The following DLGAP1 variants were observed in gnomAD, a reference collection of about 807,000 sequenced individuals.
DLGAP1 encodes disks large-associated protein 1.
In DLGAP1, 11 loss-of-function variants were observed where a neutral mutation model predicts 90.8. The ratio of observed to expected loss-of-function variants is 0.12; its 90% CI spans 0.08 to 0.20. The LOEUF is 0.20. Among genes scored for constraint, DLGAP1 ranks in the 10% least tolerant of loss-of-function variants. The pLI, the probability that DLGAP1 is intolerant of heterozygous loss-of-function variation, is 1.00. For missense variants in DLGAP1, 1,050 were observed against 1,333.8 expected (o/e 0.79, Z 3.31); for synonymous variants, 558 against 540.7 (o/e 1.03, Z -0.44).
intron 5 of DLGAP1, among the ~76,000 whole-genome samples, chr18:3,782,227 C>G (rs1395301091): frequency 6.6e-6 from 1 of 151,826 alleles, no homozygotes; most frequent in African/African-American, 2.4e-5. Context: ...ACCTCCGCCT[C>G]CTGGGTTCAA....
intron 1 of DLGAP1, among the ~76,000 whole-genome samples, chr18:4,246,688 T>C (rs999554089): frequency 6.6e-6 from 1 of 152,146 alleles, no homozygotes; most frequent in Non-Finnish European, 1.5e-5. Flanking sequence ...TCGAGGGTAA[T>C]TGCTTAGAAC....
At chr18:3,580,820 C>G in intron 8 of DLGAP1, 2 of 1,514,574 alleles carry the variant, frequency 1.3e-6, no homozygotes, top group Admixed American at 1.8e-5. Flanking sequence ...ACCTGCCGTG[C>G]GGACCGTGGA....
intron 2 of DLGAP1, among the ~76,000 whole-genome samples, chr18:4,117,085 G>A (rs74554597): frequency 0.021 from 3,190 of 152,228 alleles, 86 homozygotes; most frequent in Middle Eastern, 0.061. Context: ...CCAAAAAGAG[G>A]AGATTAGATA....
intron 3 of DLGAP1, among the ~76,000 whole-genome samples, chr18:3,950,459 T>A (rs2072962718): frequency 6.6e-6 from 1 of 152,254 alleles, no homozygotes; most frequent in African/African-American, 2.4e-5. Flanking sequence ...ACTTCTTTGC[T>A]AGATTATTGG....
intron 1 of DLGAP1, among the ~76,000 whole-genome samples, chr18:4,404,627 G>T (rs994138192): frequency 6.6e-6 from 1 of 152,274 alleles, no homozygotes; most frequent in Admixed American, 6.5e-5. Context: ...AATTTGAATG[G>T]AGTCTGTATT....
intron 1 of DLGAP1, among the ~76,000 whole-genome samples, chr18:4,249,935 C>G (rs747545183): frequency 2.5e-4 from 38 of 152,200 alleles, no homozygotes; most frequent in Non-Finnish European, 2.4e-4. Context: ...AAACTCTTCT[C>G]TCTCTGTCCT....
intron 6 of DLGAP1, among the ~76,000 whole-genome samples, chr18:3,733,421 T>G (rs77043877): frequency 0.064 from 9,681 of 152,276 alleles, 995 homozygotes; most frequent in African/African-American, 0.21. Flanking sequence ...TGTGGTATAG[T>G]ATTCTCTCGA....
chr18:4,429,907 G>T (rs2083245953), intron 1 of DLGAP1, among the ~76,000 whole-genome samples: 1 of 151,974 alleles, frequency 6.6e-6, no homozygotes. Flanking sequence ...AGTATGCATA[G>T]ATCTTCAAAA....
At chr18:3,550,742 T>C (rs934464068) in intron 9 of DLGAP1, among the ~76,000 whole-genome samples, 3 of 142,368 alleles carry the variant, frequency 2.1e-5, no homozygotes, top group African/African-American at 7.9e-5. Context: ...CCCTTTTTTT[T>C]TTTTTTTTTT....
At chr18:3,959,669 A>AAAGAAAG (rs1555714889) in intron 3 of DLGAP1, among the ~76,000 whole-genome samples, 9,057 of 149,176 alleles carry the variant, frequency 0.061, 322 homozygotes, top group Non-Finnish European at 0.08. Context: ...GTCTCAAAAA[A>AAAGAAAG]AAAGAAAGAA....
chr18:4,206,504 GC>G (rs1379205942), intron 1 of DLGAP1, among the ~76,000 whole-genome samples: 1 of 152,102 alleles, frequency 6.6e-6, no homozygotes, highest in Non-Finnish European at 1.5e-5. Flanking sequence ...GGTCAGTGAT[GC>G]CCATGGGAGG....
At chr18:4,306,033 T>TACACACACACAC (rs3041181) in intron 1 of DLGAP1, among the ~76,000 whole-genome samples, 2,517 of 142,148 alleles carry the variant, frequency 0.018, 60 homozygotes, top group African/African-American at 0.048. Context: ...CACACACAAA[T>TACACACACACAC]ACACACACAC....
intron 3 of DLGAP1, among the ~76,000 whole-genome samples, chr18:3,967,312 A>G (rs2073351082): frequency 6.6e-6 from 1 of 152,262 alleles, no homozygotes; most frequent in African/African-American, 2.4e-5. Flanking sequence ...GAAATAGATT[A>G]TGAACTGATG....
chr18:3,950,659 G>T (rs2072967881), intron 3 of DLGAP1, among the ~76,000 whole-genome samples: 1 of 152,234 alleles, frequency 6.6e-6, no homozygotes, highest in African/African-American at 2.4e-5. Context: ...AGCTTCAGAA[G>T]TGGTGATGGC....
intron 7 of DLGAP1, among the ~76,000 whole-genome samples, chr18:3,599,526 T>A (rs2056780618): frequency 6.6e-6 from 1 of 152,216 alleles, no homozygotes; most frequent in Non-Finnish European, 1.5e-5. Flanking sequence ...CTGTGCTAAC[T>A]AAGCCCACCT....
intron 2 of DLGAP1, among the ~76,000 whole-genome samples, chr18:4,113,181 C>T (rs1437681898): frequency 6.6e-6 from 1 of 152,184 alleles, no homozygotes; most frequent in Non-Finnish European, 1.5e-5. Context: ...TGAGAAATCT[C>T]CAAACTGCTT....
intron 5 of DLGAP1, among the ~76,000 whole-genome samples, chr18:3,761,348 C>A (rs1362688314): frequency 1.3e-5 from 2 of 152,098 alleles, no homozygotes; most frequent in African/African-American, 4.8e-5. Flanking sequence ...AAAATTTGTC[C>A]TTTTGTGACT....
Position 4,088,111 on chromosome 18 carries a change from CTATTT to C in DLGAP1, c.-159+63064_-159+63068del, listed in dbSNP as rs1273305307. ...ATTTTTTTCCTATAGAAAACATTTCCTATTTTAATTTTAAATTAAATTAAATTTTA... is the reference window on the plus strand; with the variant it reads ...ATTTTTTTCCTATAGAAAACATTTCCTAATTTTAAATTAAATTAAATTTTA... On this transcript the variant is annotated intron_variant, in intron 2 of 12. Transcript: ENST00000315677. Among the ~76,000 whole-genome samples the C allele has an allele frequency of 4.7e-5, 4 of 84,728 alleles. No individual in the cohort carries two copies. In the East Asian group the frequency reaches 9.9e-4, roughly 21 times the overall value. 55.6% of individuals were successfully genotyped at this position (84,728 alleles called of 152,430 possible).
rs1313048003 is a variant in DLGAP1, at chr18:4,084,333, C to A, written c.-159+66847G>T. Among the ~76,000 whole-genome samples, 1 of 152,144 alleles carries A rather than the reference C, an allele frequency of 6.6e-6. No individual in the cohort carries two copies. On this transcript the variant is annotated intron_variant, in intron 2 of 12. Coordinates refer to ENST00000315677, the MANE Select transcript of DLGAP1 (RefSeq NM_004746.4). This position sits in a 1 kb window ranked among gnomAD's most constrained non-coding sequence, Gnocchi z 4.0. ...TAGGAAAAATGATTGTTTACCATAA[C>A]TCATTTAACAATCTTTCCATTGTTA...
Sources: gnomAD v4.1 joint callset for allele counts (sites outside exome capture counted in the v4.1 genomes callset) on GRCh38, gnomAD v4.1.1 for gene constraint, Gnocchi (gnomAD v3.1) non-coding constraint, MANE v1.5 for transcripts, NCBI Gene and HGNC (gene_info 2026-07-23, HGNC 2026-07-21) for gene names.